The following ZMYND11 variants were observed in gnomAD, a reference collection of about 807,000 sequenced individuals.
ZMYND11 encodes the protein zinc finger MYND domain-containing protein 11.
ZMYND11 carries 9 observed loss-of-function variants against 84.9 expected under a neutral mutation model. The ratio of observed to expected loss-of-function variants is 0.11; its 90% confidence interval spans 0.06 to 0.18. The LOEUF (loss-of-function observed/expected upper bound fraction) is 0.18. Ranked by LOEUF, ZMYND11 falls within the 10% of genes least tolerant of loss-of-function variation. ZMYND11 has a pLI of 1.00. For synonymous variants in ZMYND11, 250 were observed against 244.1 expected, an observed-to-expected ratio of 1.02 and a Z score of -0.23; for missense variants, 409 against 761.0, an observed-to-expected ratio of 0.54 and a Z score of 5.44.
chr10:253,732 TTTAG>T lies in ZMYND11; in HGVS notation c.*1266_*1269del, dbSNP rs1356543707. On this transcript the variant is annotated 3_prime_UTR_variant, in exon 15 of 15. Transcript: ENST00000381604. ...GACCAAGTCAAATTCCCATTTATCA[TTTAG>T]TTATTTTTTGAGGTTAGAGAATAAT... The T allele has an allele frequency of 5.9e-5, 9 of 152,662 alleles. No individual in the cohort carries two copies. The highest frequency in any genetic ancestry group is 1.7e-4 in the African/African-American group (7 of 41,466). The allele number at this position is 152,662 out of a possible 1,614,324, so 9.5% of individuals were successfully genotyped here. A position where few individuals can be genotyped will look rare whatever the true frequency, so the allele number is the denominator to read the frequency against.
At chr10:236,400 GAC>G (rs1324369713) in intron 4 of ZMYND11, among the ~76,000 whole-genome samples, 1 of 152,186 alleles carries the variant, frequency 6.6e-6, no homozygotes, top group Non-Finnish European at 1.5e-5. Context: ...CAAAGTGAGT[GAC>G]ACAGATTTTT....
intron 1 of ZMYND11, among the ~76,000 whole-genome samples, chr10:150,347 G>A (rs1840028490): frequency 6.6e-6 from 1 of 152,218 alleles, no homozygotes; most frequent in South Asian, 2.1e-4. Flanking sequence ...TTGGGCGGGT[G>A]TATGTGTCCA....
In ZMYND11 at chr10:241,096, G is replaced by T. The variant is rs573225729; in HGVS notation, c.831+126G>T. The T allele has an allele frequency of 4.9e-6, 3 of 610,498 alleles. No individual in the cohort carries two copies. In the South Asian group the frequency reaches 8.0e-5, roughly 16 times the overall value. The allele number at this position is 610,498 out of a possible 1,614,324, so 37.8% of individuals were successfully genotyped here. On this transcript the variant is annotated intron_variant, in intron 9 of 14. Transcript: ENST00000381604. Reference sequence around the variant, plus strand: ...ATCATAGTATATATGGGTTTAATGAGTATAAACAACTGAAAAAAAGTAACA... The same window carrying T: ...ATCATAGTATATATGGGTTTAATGATTATAAACAACTGAAAAAAAGTAACA...
Position 252,536 on chromosome 10 carries a change from G to A in ZMYND11, c.*66G>A. 6.5e-7 allele frequency: 1 copy of A among 1,530,180 alleles called. No homozygotes were observed. The highest frequency in any genetic ancestry group is 2.0e-5 in the Admixed American group (1 of 50,556). The allele number at this position is 1,530,180 out of a possible 1,614,324, so 94.8% of individuals were successfully genotyped here. A position where few individuals can be genotyped will look rare whatever the true frequency, so the allele number is the denominator to read the frequency against. The stretch of plus-strand genomic sequence containing the variant: ...CAGACACAGCGGTTTTTGTTTCCAA[G>A]AAGCCAAAATTGTTTAGAATTTGCT... On this transcript the variant is annotated 3_prime_UTR_variant, in exon 15 of 15. Coordinates refer to ENST00000381604, the MANE Select transcript of ZMYND11 (RefSeq NM_001370100.5). The surrounding 1 kb of genome is among the most constrained non-coding windows in gnomAD (Gnocchi z 4.6).
intron 2 of ZMYND11, among the ~76,000 whole-genome samples, chr10:183,158 A>T (rs781225453): frequency 6.6e-6 from 1 of 151,544 alleles, no homozygotes; most frequent in Non-Finnish European, 1.5e-5. Context: ...TTACTTCTGT[A>T]TAATGGTTTA....
chr10:252,030 G>A lies in ZMYND11; in HGVS notation c.1687-318G>A, dbSNP rs527735395. Among the ~76,000 whole-genome samples the A allele has an allele frequency of 6.6e-6, 1 of 152,158 alleles. No homozygotes were observed. The highest frequency in any genetic ancestry group is 2.4e-5 in the African/African-American group (1 of 41,426). ...AGGAGCTTGTGGGGAGCAGAGAAAT[G>A]CAAGTGGTAGCTGGAAAGGGATGTG... On this transcript the variant is annotated intron_variant, in intron 14 of 14. Transcript: ENST00000381604. The surrounding 1 kb of genome is among the most constrained non-coding windows in gnomAD (Gnocchi z 4.6).
chr10:137,413 A>G (rs117365965), intron 1 of ZMYND11, among the ~76,000 whole-genome samples: 1 of 152,198 alleles, frequency 6.6e-6, no homozygotes. Flanking sequence ...GCTGAGTCAT[A>G]TGGAGGCAAG....
intron 1 of ZMYND11, among the ~76,000 whole-genome samples, chr10:159,703 T>C (rs1313452156): frequency 6.6e-6 from 1 of 152,180 alleles, no homozygotes; most frequent in Non-Finnish European, 1.5e-5. Flanking sequence ...GTCACTTATA[T>C]TTTTACTTTG....
intron 1 of ZMYND11, among the ~76,000 whole-genome samples, chr10:152,286 T>C (rs1237285367): frequency 2.0e-5 from 3 of 151,554 alleles, no homozygotes; most frequent in Non-Finnish European, 4.4e-5. Flanking sequence ...GGATAAAGAG[T>C]CGAGACCCAT....
chr10:153,342 C>A (rs1271003993), intron 1 of ZMYND11, among the ~76,000 whole-genome samples: 1 of 151,988 alleles, frequency 6.6e-6, no homozygotes, highest in Non-Finnish European at 1.5e-5. Context: ...GTTAACATAT[C>A]ATCTGTTTCT....
At chr10:203,188 G>A (rs1041040326) in intron 2 of ZMYND11, among the ~76,000 whole-genome samples, 3 of 152,188 alleles carry the variant, frequency 2.0e-5, no homozygotes, top group Admixed American at 6.5e-5. Flanking sequence ...CTGTTACTAC[G>A]TATGGTGTGC....
chr10:246,082 G>A (rs950268117), intron 10 of ZMYND11, among the ~76,000 whole-genome samples: 2 of 152,092 alleles, frequency 1.3e-5, no homozygotes, highest in East Asian at 1.9e-4. Context: ...CCAATGCCCA[G>A]GAAAAAGTGT....
chr10:202,113 C>T (rs1006844158), intron 2 of ZMYND11, among the ~76,000 whole-genome samples: 10 of 152,002 alleles, frequency 6.6e-5, no homozygotes, highest in African/African-American at 2.4e-4. Flanking sequence ...GAATTGGGAC[C>T]CATTGTTACA....
chr10:249,686 C>T lies in ZMYND11; in HGVS notation c.1686+598C>T, dbSNP rs916766840. The T allele has an allele frequency of 9.1e-6, 9 of 985,238 alleles. No homozygotes were observed. In the African/African-American group the frequency reaches 1.2e-4, roughly 13 times the overall value. 61.0% of individuals were successfully genotyped at this position (985,238 alleles called of 1,614,324 possible). ...AGTGCACAGGGTCCAAGTGCTCGTC[C>T]TACAGCCGCCACAGTGCTCAGTGAA... is the stretch of plus-strand genomic sequence containing the variant. On this transcript the variant is annotated intron_variant, in intron 14 of 14. Transcript: ENST00000381604.
At chr10:230,616 G>A in intron 4 of ZMYND11, among the ~76,000 whole-genome samples, 1 of 151,998 alleles carries the variant, frequency 6.6e-6, no homozygotes, top group South Asian at 2.1e-4. Flanking sequence ...TGAGCTATTG[G>A]TGACATTATT....
rs1945502691 is a variant in ZMYND11, at chr10:212,886, C to A, written c.276+2838C>A. Among the ~76,000 whole-genome samples, 3 of 152,240 alleles carry A rather than the reference C, an allele frequency of 2.0e-5. No homozygotes were observed. The South Asian group carries it at 6.2e-4, about 32-fold the overall frequency. On this transcript the variant is annotated intron_variant, in intron 3 of 14. Transcript: ENST00000381604. Reference sequence around the variant, plus strand: ...TGTAAAGAGGTTTTCCATTAGAACACTGGATCTTTATTTAAAGTGTAACTC... The same window carrying A: ...TGTAAAGAGGTTTTCCATTAGAACAATGGATCTTTATTTAAAGTGTAACTC...
intron 1 of ZMYND11, among the ~76,000 whole-genome samples, chr10:153,079 G>A (rs1457561399): frequency 2.0e-5 from 3 of 152,124 alleles, no homozygotes; most frequent in Non-Finnish European, 2.9e-5. Flanking sequence ...TTGTCTCTCT[G>A]CCCTTGAATA....
chr10:130,969 T>C (rs1835299631), upstream of ZMYND11, among the ~76,000 whole-genome samples: 1 of 151,746 alleles, frequency 6.6e-6, no homozygotes, highest in South Asian at 2.1e-4. Context: ...AATACAAAAT[T>C]AGCTGGGCAC....
At chr10:172,994 C>CT (rs1845713976) in intron 1 of ZMYND11, among the ~76,000 whole-genome samples, 1 of 151,336 alleles carries the variant, frequency 6.6e-6, no homozygotes, top group Non-Finnish European at 1.5e-5. Flanking sequence ...AAAAATAGCC[C>CT]TTGAGGAAAT....
Sources: gnomAD v4.1 joint callset for allele counts (sites outside exome capture counted in the v4.1 genomes callset) on GRCh38, gnomAD v4.1.1 for gene constraint, Gnocchi (gnomAD v3.1) non-coding constraint, MANE v1.5 for transcripts, NCBI Gene and HGNC (gene_info 2026-07-23, HGNC 2026-07-21) for gene names.